Variants in RALYL observed in about 807,000 individuals in gnomAD.
RALYL encodes RNA-binding Raly-like protein.
In RALYL, 29 loss-of-function variants were observed where a neutral mutation model predicts 35.1. The ratio of observed to expected loss-of-function variants is 0.83; its 90% CI spans 0.61 to 1.13. The LOEUF is 1.13. RALYL is among the 50% of genes most tolerant of loss of function. The pLI is 0.00. For missense variants in RALYL, 359 were observed against 360.4 expected (o/e 1.00, Z 0.03); for synonymous variants, 120 against 127.6 (o/e 0.94, Z 0.40).
At chr8:84,885,002 G>A (rs1427094465) in intron 7 of RALYL, among the ~76,000 whole-genome samples, 1 of 152,052 alleles carries the variant, frequency 6.6e-6, no homozygotes, top group Non-Finnish European at 1.5e-5. Flanking sequence ...AAGGATCAGT[G>A]ATAGGAGAGG....
intron 2 of RALYL, among the ~76,000 whole-genome samples, chr8:84,595,039 C>T (rs776324690): frequency 1.1e-4 from 17 of 151,992 alleles, no homozygotes; most frequent in Non-Finnish European, 2.2e-4. Context: ...ACAAAATGAA[C>T]AAGGCATATA....
chr8:84,706,137 T>C (rs570386108), intron 2 of RALYL: 1 of 1,340,596 alleles, frequency 7.5e-7, no homozygotes, highest in African/African-American at 1.5e-5. Flanking sequence ...AGACTAATCA[T>C]GACTTCTTCA....
chr8:84,826,053 CA>C (rs994551460), intron 4 of RALYL, among the ~76,000 whole-genome samples: 5 of 150,968 alleles, frequency 3.3e-5, no homozygotes, highest in African/African-American at 9.7e-5. Context: ...AATGCAGGAA[CA>C]AAAAAAATAT....
At chr8:84,240,385 A>G (rs894078460) in intron 1 of RALYL, among the ~76,000 whole-genome samples, 5 of 152,240 alleles carry the variant, frequency 3.3e-5, no homozygotes, top group African/African-American at 1.2e-4. Context: ...GAGATCTAGA[A>G]TATCGAAAGT....
chr8:84,878,592 TA>T (rs1841622328), intron 7 of RALYL, among the ~76,000 whole-genome samples: 1 of 122,434 alleles, frequency 8.2e-6, no homozygotes, highest in African/African-American at 2.7e-5. Context: ...ACAGGAAGAA[TA>T]AAACTTCAAA....
chr8:84,223,627 G>A (rs1301349257), intron 1 of RALYL, among the ~76,000 whole-genome samples: 2 of 152,180 alleles, frequency 1.3e-5, no homozygotes, highest in Admixed American at 6.5e-5. Context: ...GTAGCTCTCA[G>A]AACAGAGTAT....
chr8:84,189,824 G>A (rs77662695), intron 1 of RALYL, among the ~76,000 whole-genome samples: 208 of 152,256 alleles, frequency 1.4e-3, no homozygotes, highest in African/African-American at 4.5e-3. Flanking sequence ...TCAACAGGGA[G>A]TGCTTTCCAC....
intron 2 of RALYL, among the ~76,000 whole-genome samples, chr8:84,546,994 G>A (rs1254422650): frequency 6.6e-6 from 1 of 152,032 alleles, no homozygotes; most frequent in African/African-American, 2.4e-5. Flanking sequence ...TGGGATACAT[G>A]TGCAGAACGT....
chr8:84,379,531 G>A (rs568634966), intron 1 of RALYL, among the ~76,000 whole-genome samples: 70 of 151,858 alleles, frequency 4.6e-4, no homozygotes, highest in African/African-American at 1.4e-3. Context: ...TAAACCTAGC[G>A]AAACTTTTTA....
At chr8:84,330,961 G>T (rs1219664379) in intron 1 of RALYL, among the ~76,000 whole-genome samples, 1 of 152,198 alleles carries the variant, frequency 6.6e-6, no homozygotes, top group East Asian at 1.9e-4. Flanking sequence ...GTAATGGAGA[G>T]CATTGTATGC....
chr8:84,249,450 T>C lies in RALYL; in HGVS notation c.-24+65026T>C, dbSNP rs7012895. Among the ~76,000 whole-genome samples, 1,259 of 152,212 alleles carry C rather than the reference T, an allele frequency of 8.3e-3. 23 individuals are homozygous for C. The highest frequency in any genetic ancestry group is 0.029 in the African/African-American group (1,215 of 41,564). On this transcript the variant is annotated intron_variant, in intron 1 of 8. Transcript: ENST00000521268. ...ATTTAAAATCTCTCCTTTAAGATAG[T>C]CCAGCAACTTATATCCATAAGCAAT...
chr8:84,899,073 C>T (rs1243471115), intron 8 of RALYL, among the ~76,000 whole-genome samples: 1 of 152,170 alleles, frequency 6.6e-6, no homozygotes, highest in African/African-American at 2.4e-5. Context: ...ATGATTTTGA[C>T]ACACCGTGTC....
At chr8:84,188,970 T>A (rs1292543899) in intron 1 of RALYL, among the ~76,000 whole-genome samples, 2 of 152,202 alleles carry the variant, frequency 1.3e-5, no homozygotes, top group Non-Finnish European at 2.9e-5. Flanking sequence ...GACTGAGTCC[T>A]GGAAAATAGA....
chr8:84,852,999 C>A (rs1836202063), intron 5 of RALYL, among the ~76,000 whole-genome samples: 1 of 152,186 alleles, frequency 6.6e-6, no homozygotes, highest in Non-Finnish European at 1.5e-5. Flanking sequence ...TTGCAAGAAT[C>A]AATATGACTA....
Position 84,455,284 on chromosome 8 carries a change from A to T in RALYL, c.-23-74015A>T, listed in dbSNP as rs188286502. ...AGGGCTTCAAGACTAGATAAGGTAT[A>T]CCTTATGTCTGGTATAAAAGATAAG... is the stretch of plus-strand genomic sequence containing the variant. On this transcript the variant is annotated intron_variant, in intron 1 of 8. Coordinates refer to ENST00000521268, the MANE Select transcript of RALYL (RefSeq NM_173848.7). 3.3e-3 allele frequency among the ~76,000 whole-genome samples: 502 copies of T among 152,110 alleles called. 2 individuals are homozygous for T. Among genetic ancestry groups the T allele is most frequent in the South Asian group, 0.012 (58 of 4,824 alleles).
chr8:84,523,649 A>C, intron 1 of RALYL, among the ~76,000 whole-genome samples: 1 of 117,336 alleles, frequency 8.5e-6, no homozygotes, highest in Non-Finnish European at 1.9e-5. Context: ...ATATCTCCCA[A>C]TGCTATCCCT....
chr8:84,479,143 A>G (rs2053797048), intron 1 of RALYL, among the ~76,000 whole-genome samples: 2 of 139,846 alleles, frequency 1.4e-5, no homozygotes, highest in South Asian at 2.5e-4. Flanking sequence ...AGGGTTCTGT[A>G]TATCCTTTAG....
At chr8:84,648,856 C>G (rs910867304) in intron 2 of RALYL, among the ~76,000 whole-genome samples, 2 of 151,288 alleles carry the variant, frequency 1.3e-5, no homozygotes, top group Non-Finnish European at 2.9e-5. Context: ...AAAAGTGATA[C>G]AGGGAACACA....
intron 1 of RALYL, among the ~76,000 whole-genome samples, chr8:84,518,599 T>C (rs770502415): frequency 3.3e-5 from 5 of 152,220 alleles, no homozygotes; most frequent in Non-Finnish European, 5.9e-5. Flanking sequence ...CTAATGCAAC[T>C]CCAAACATTC....
Sources: gnomAD v4.1 joint callset for allele counts (sites outside exome capture counted in the v4.1 genomes callset) on GRCh38, gnomAD v4.1.1 for gene constraint, MANE v1.5 for transcripts, NCBI Gene and HGNC (gene_info 2026-07-23, HGNC 2026-07-21) for gene names.